PTCH1: variants seen among roughly 807,000 people sequenced by gnomAD.
PTCH1 encodes patched 1.
In PTCH1, 14 loss-of-function variants were observed where a neutral mutation model predicts 144.6. The ratio of observed to expected loss-of-function variants is 0.10; its 90% CI spans 0.06 to 0.15. The LOEUF is 0.15. Ranked by LOEUF, PTCH1 falls within the 10% of genes least tolerant of loss-of-function variation. The pLI is 1.00. For missense variants in PTCH1, 1,623 were observed against 1,948.3 expected, an observed-to-expected ratio of 0.83 and a Z score of 3.14; for synonymous variants, 833 against 793.6, an observed-to-expected ratio of 1.05 and a Z score of -0.83.
At chr9:95,500,838 T>C (rs146420081) in intron 2 of PTCH1, among the ~76,000 whole-genome samples, 269 of 152,330 alleles carry the variant, frequency 1.8e-3, no homozygotes, top group African/African-American at 6.2e-3. Context: ...GCTAAAAACC[T>C]TCAGGCTACT....
chr9:95,462,658 G>A (rs192386505), intron 15 of PTCH1, among the ~76,000 whole-genome samples: 3 of 152,302 alleles, frequency 2.0e-5, no homozygotes, highest in East Asian at 1.9e-4. Context: ...GAAGGCGCTC[G>A]TGTGCACGCA....
intron 15 of PTCH1, among the ~76,000 whole-genome samples, chr9:95,464,232 G>A (rs970109236): frequency 1.1e-4 from 16 of 152,162 alleles, no homozygotes; most frequent in Admixed American, 5.2e-4. Flanking sequence ...TCACCAAAAA[G>A]CTCAAGTAAC....
At chr9:95,507,465 GC>G in intron 1 of PTCH1, 6 of 981,536 alleles carry the variant, frequency 6.1e-6, no homozygotes, top group Non-Finnish European at 7.3e-6. Flanking sequence ...AATGAACCCG[GC>G]AGCTCCGCAG....
At chr9:95,453,282 C>T (rs1271426635) in intron 20 of PTCH1, 196 bp downstream of exon 20, 4 of 694,314 alleles carry the variant, frequency 5.8e-6, no homozygotes, top group African/African-American at 1.8e-5. Flanking sequence ...CAGGCACCCA[C>T]CACCACGCCC....
At chr9:95,491,921 T>C (rs986979895) in intron 2 of PTCH1, among the ~76,000 whole-genome samples, 5 of 152,154 alleles carry the variant, frequency 3.3e-5, no homozygotes, top group Admixed American at 6.5e-5. Flanking sequence ...CTGGTAAAAA[T>C]GTGTGATGGG....
At chr9:95,511,905 C>T (rs1203335078), upstream of PTCH1, among the ~76,000 whole-genome samples, 1 of 152,178 alleles carries the variant, frequency 6.6e-6, no homozygotes, top group African/African-American at 2.4e-5. Context: ...TGCTGGAGGG[C>T]AAGGAACCAT....
At chr9:95,464,880 C>A (rs1316337206) in intron 15 of PTCH1, among the ~76,000 whole-genome samples, 1 of 152,146 alleles carries the variant, frequency 6.6e-6, no homozygotes, top group Non-Finnish European at 1.5e-5. Flanking sequence ...CCACATCAAC[C>A]ATTCAACAGG....
Position 95,469,739 on chromosome 9 carries a change from C to T in PTCH1, c.1847+74G>A, listed in dbSNP as rs1039339133. 5 of 1,374,202 alleles carry T rather than the reference C, an allele frequency of 3.6e-6. No homozygotes were observed. The Admixed American group carries it at 8.4e-5, about 23-fold the overall frequency. The allele number at this position is 1,374,202 out of a possible 1,614,324, so 85.1% of individuals were successfully genotyped here. Reference sequence around the variant, plus strand: ...CCGTTACCCACATTCCTTTATAAGTCCACAGGCTGAAAGAGTTCTCTCACA... The same window carrying T: ...CCGTTACCCACATTCCTTTATAAGTTCACAGGCTGAAAGAGTTCTCTCACA... On this transcript the variant is annotated intron_variant, in intron 13 of 23. Coordinates refer to ENST00000331920, the MANE Select transcript of PTCH1 (RefSeq NM_000264.5).
chr9:95,460,783 CA>C, intron 16 of PTCH1, among the ~76,000 whole-genome samples: 1 of 152,144 alleles, frequency 6.6e-6, no homozygotes, highest in Non-Finnish European at 1.5e-5. Context: ...GGGTCTGGCC[CA>C]ATCCCATTTG....
At chr9:95,506,111 G>C (rs1176731984) in intron 2 of PTCH1, 1 of 158,044 alleles carries the variant, frequency 6.3e-6, no homozygotes, top group Non-Finnish European at 1.4e-5. Context: ...CGGCGGGCCC[G>C]GGGCCCCCGG....
At position 95,476,691 on chromosome 9, in the gene PTCH1, G is replaced by A. The variant is rs1446505852; in HGVS notation, c.1602+68C>T. 2.1e-6 allele frequency: 3 copies of A among 1,456,248 alleles called. No individual in the cohort carries two copies. In the East Asian group the frequency reaches 7.3e-5, roughly 35 times the overall value. The allele number at this position is 1,456,248 out of a possible 1,614,324, so 90.2% of individuals were successfully genotyped here. A position where few individuals can be genotyped will look rare whatever the true frequency, so the allele number is the denominator to read the frequency against. On this transcript the variant is annotated intron_variant, in intron 11 of 23. Transcript: ENST00000331920. This position sits in a 1 kb window ranked among gnomAD's most constrained non-coding sequence, Gnocchi z 4.6. ...CTGGGTCAGACTGAGGAAAATTAAA[G>A]GACAAATACTTAGGAACAGAGGAAG...
At chr9:95,487,782 G>C (rs935381061) in intron 2 of PTCH1, among the ~76,000 whole-genome samples, 3 of 152,126 alleles carry the variant, frequency 2.0e-5, no homozygotes, top group African/African-American at 7.2e-5. Flanking sequence ...TTTTCATTCT[G>C]ATTACAAAGT....
At chr9:95,460,750 C>T (rs778880325) in intron 16 of PTCH1, among the ~76,000 whole-genome samples, 4 of 152,120 alleles carry the variant, frequency 2.6e-5, no homozygotes, top group Non-Finnish European at 5.9e-5. Context: ...TTCTCCCTCC[C>T]GGGAGGAGGA....
In PTCH1 at chr9:95,461,867, C is replaced by T. The variant is rs531947455; in HGVS notation, c.2692G>A (p.Asp898Asn). 7.4e-5 allele frequency: 119 copies of T among 1,614,150 alleles called. 1 individual carries two copies. In the East Asian group the frequency reaches 1.9e-3, roughly 26 times the overall value. Residue 898 changes from aspartate (D) to asparagine (N), a missense_variant, in exon 16 of 24, where the codon GAC becomes AAC. This residue lies in a region of PTCH1 where 504 missense variants were observed against 679.3 expected (regional missense o/e 0.74). Transcript: ENST00000331920. ...AGCAGCTGGAGTACCTGGCTGATGT[C>T]GATGGGCTTATCGCGGCTGCCGGTT... is the stretch of plus-strand genomic sequence containing the variant. Reference protein sequence around the residue: ...VQTGSRDKPIDISQLTKQRLV... With the variant: ...VQTGSRDKPINISQLTKQRLV...
chr9:95,479,849 C>G, intron 7 of PTCH1, 120 bp downstream of exon 7: 4 of 1,512,170 alleles, frequency 2.6e-6, no homozygotes, highest in Non-Finnish European at 3.7e-6. Flanking sequence ...CGCCACCTGG[C>G]TAGCGAGGAT....
chr9:95,486,813 T>A (rs1045501662), intron 2 of PTCH1, among the ~76,000 whole-genome samples: 1 of 152,246 alleles, frequency 6.6e-6, no homozygotes, highest in Admixed American at 6.5e-5. Flanking sequence ...CTCCGAATGC[T>A]GCACCTGGGC....
At chr9:95,491,208 C>T (rs59866860) in intron 2 of PTCH1, among the ~76,000 whole-genome samples, 5,364 of 152,224 alleles carry the variant, frequency 0.035, 326 homozygotes, top group African/African-American at 0.12. Context: ...ATATTCTTTA[C>T]GTCTTTGGAA....
At position 95,459,726 on chromosome 9, in the gene PTCH1, T is replaced by C. The variant is rs760174192; in HGVS notation, c.2761A>G (p.Ile921Val). The change falls in exon 17 of 24, where the codon ATC becomes GTC. Residue 921 changes from isoleucine (I) to valine (V), a missense_variant. Ile to Val is a conservative substitution (Grantham distance 29, BLOSUM62 3). Transcript: ENST00000331920. ...TTGCTGACCCAAGCCGTCAGGTAGA[T>C]GTAGAAAGCGCTGGGATTAATGATG... ...DGIINPSAFY[I>V]YLTAWVSNDP... 38 of 1,614,088 alleles carry C rather than the reference T, an allele frequency of 2.4e-5. No individual in the cohort carries two copies. Among genetic ancestry groups the C allele is most frequent in the Non-Finnish European group, 3.0e-5 (35 of 1,180,052 alleles).
intron 2 of PTCH1, among the ~76,000 whole-genome samples, chr9:95,505,793 C>G (rs1233617446): frequency 1.3e-5 from 2 of 151,444 alleles, no homozygotes; most frequent in African/African-American, 4.8e-5. Context: ...GTTTTTTGTA[C>G]CTTGAGACAA....
Sources: gnomAD v4.1 joint callset for allele counts (sites outside exome capture counted in the v4.1 genomes callset) on GRCh38, gnomAD v4.1.1 for gene constraint, gnomAD v4.1.1 regional missense constraint, Gnocchi (gnomAD v3.1) non-coding constraint, MANE v1.5 for transcripts, NCBI Gene and HGNC (gene_info 2026-07-23, HGNC 2026-07-21) for gene names.